Variants in ADGRL2 observed in about 807,000 individuals in gnomAD.
ADGRL2 encodes the protein adhesion G protein-coupled receptor L2, also known as calcium-independent alpha-latrotoxin receptor 2.
A neutral mutation model predicts 157.4 loss-of-function variants in ADGRL2; 44 were observed. The ratio of observed to expected loss-of-function variants is 0.28; its 90% confidence interval spans 0.22 to 0.36. ADGRL2 has a LOEUF of 0.36. ADGRL2 is among the 10% of genes least tolerant of loss of function. ADGRL2 has a pLI of 1.00. For missense variants in ADGRL2, 1,510 were observed against 1,768.9 expected (o/e 0.85, Z 2.63); for synonymous variants, 585 against 624.7 (o/e 0.94, Z 0.95).
rs1308143212 is a variant in ADGRL2 at position 81,748,447 on chromosome 1, A to G, written c.-142-13364A>G. On this transcript the variant is annotated intron_variant, in intron 1 of 20. Transcript: ENST00000359929. ...TCGCGCCACCGCACTCCAGCCTGGC[A>G]ATAGAGGGAGATTCCGTCTCAAAAA... 4.1e-5 allele frequency among the ~76,000 whole-genome samples: 6 copies of G among 147,498 alleles called. No homozygotes were observed. In the South Asian group the frequency reaches 1.1e-3, roughly 27 times the overall value.
chr1:81,750,850 G>A (rs1429100623), intron 1 of ADGRL2, among the ~76,000 whole-genome samples: 1 of 152,172 alleles, frequency 6.6e-6, no homozygotes, highest in African/African-American at 2.4e-5. Context: ...TGTAATATGT[G>A]GATGGATAGA....
intron 3 of ADGRL2, among the ~76,000 whole-genome samples, chr1:81,657,414 G>A (rs1264520248): frequency 6.6e-6 from 1 of 152,176 alleles, no homozygotes; most frequent in East Asian, 1.9e-4. Context: ...CCAGAACAGT[G>A]AGAAATGAAT....
chr1:81,763,565 G>C (rs1173894883), intron 2 of ADGRL2, among the ~76,000 whole-genome samples: 4 of 147,700 alleles, frequency 2.7e-5, no homozygotes, highest in Admixed American at 2.0e-4. Context: ...CTCCGGTCTC[G>C]GTGACAGAGC....
At chr1:81,705,818 A>G (rs1202496107) in intron 1 of ADGRL2, among the ~76,000 whole-genome samples, 1 of 152,084 alleles carries the variant, frequency 6.6e-6, no homozygotes, top group African/African-American at 2.4e-5. Flanking sequence ...AAGCAGGAGG[A>G]TCGCTTGAGC....
intron 16 of ADGRL2, 79 bp from the exon 17 acceptor site, chr1:81,971,773 G>C (rs761362808): frequency 1.2e-4 from 87 of 754,462 alleles, no homozygotes; most frequent in Non-Finnish European, 1.7e-4. Flanking sequence ...TGTCTGTTAG[G>C]TTTTTAAAAT....
chr1:81,545,083 A>G (rs937532359), intron 2 of ADGRL2, among the ~76,000 whole-genome samples: 4 of 152,170 alleles, frequency 2.6e-5, no homozygotes, highest in African/African-American at 9.7e-5. Flanking sequence ...CCATAAGAGA[A>G]CAAAGGGAGA....
chr1:81,913,267 G>A (rs1175531100), intron 3 of ADGRL2, among the ~76,000 whole-genome samples: 2 of 152,162 alleles, frequency 1.3e-5, no homozygotes, highest in African/African-American at 4.8e-5. Context: ...AGCATATGGA[G>A]TGGTGAGAAC....
At chr1:81,748,467 C>CAAAAAAAA (rs973818702) in intron 1 of ADGRL2, among the ~76,000 whole-genome samples, 105 of 41,858 alleles carry the variant, frequency 2.5e-3, no homozygotes, top group Non-Finnish European at 3.0e-3. Flanking sequence ...GATTCCGTCT[C>CAAAAAAAA]AAAAAAAAAA....
At chr1:81,657,309 G>T (rs1395680854) in intron 3 of ADGRL2, among the ~76,000 whole-genome samples, 6 of 152,154 alleles carry the variant, frequency 3.9e-5, no homozygotes, top group African/African-American at 1.4e-4. Context: ...CTTTGGCTTT[G>T]TGTGGACAAA....
chr1:81,748,485 A>G (rs929232451), intron 1 of ADGRL2, among the ~76,000 whole-genome samples: 3 of 150,784 alleles, frequency 2.0e-5, no homozygotes, highest in Admixed American at 6.6e-5. Flanking sequence ...AAAAAAAAAA[A>G]AAAAAAGAAA....
intron 2 of ADGRL2, among the ~76,000 whole-genome samples, chr1:81,478,185 G>A (rs563932824): frequency 6.6e-6 from 1 of 152,280 alleles, no homozygotes; most frequent in African/African-American, 2.4e-5. Flanking sequence ...CAAGGGGCAG[G>A]AGGAGTCATT....
At chr1:81,691,691 G>C (rs1268625216) in intron 3 of ADGRL2, among the ~76,000 whole-genome samples, 1 of 151,572 alleles carries the variant, frequency 6.6e-6, no homozygotes. Context: ...TAGAGATGGG[G>C]TTTCTCCATG....
intron 2 of ADGRL2, among the ~76,000 whole-genome samples, chr1:81,450,866 A>G (rs544446633): frequency 5.9e-5 from 9 of 152,122 alleles, no homozygotes; most frequent in African/African-American, 1.9e-4. Flanking sequence ...CTAATGACTT[A>G]GAGTCCCCCC....
chr1:81,646,906 C>G (rs2082325560), intron 3 of ADGRL2, among the ~76,000 whole-genome samples: 1 of 152,142 alleles, frequency 6.6e-6, no homozygotes, highest in Non-Finnish European at 1.5e-5. Context: ...AAATGTTATG[C>G]CTTACGTGAA....
chr1:81,485,425 CAT>C (rs2078479535), intron 2 of ADGRL2, among the ~76,000 whole-genome samples: 1 of 152,004 alleles, frequency 6.6e-6, no homozygotes, highest in African/African-American at 2.4e-5. Context: ...TTTTCTGTCA[CAT>C]ATTATAATTG....
chr1:81,967,228 G>A (rs1657333429), intron 13 of ADGRL2, among the ~76,000 whole-genome samples: 1 of 151,262 alleles, frequency 6.6e-6, no homozygotes, highest in Non-Finnish European at 1.5e-5. Context: ...AATTTGTGTG[G>A]TTATGGTACT....
chr1:81,347,629 A>G (rs1662576115), intron 1 of ADGRL2, among the ~76,000 whole-genome samples: 1 of 152,182 alleles, frequency 6.6e-6, no homozygotes, highest in African/African-American at 2.4e-5. Context: ...AAAAGTGAAG[A>G]AGGAATTGTT....
intron 3 of ADGRL2, among the ~76,000 whole-genome samples, chr1:81,634,869 G>A (rs956664536): frequency 6.6e-6 from 1 of 152,024 alleles, no homozygotes; most frequent in African/African-American, 2.4e-5. Context: ...ACTGTTGATG[G>A]CCTATCCTTA....
chr1:81,650,070 A>G (rs938561551), intron 3 of ADGRL2, among the ~76,000 whole-genome samples: 13 of 151,926 alleles, frequency 8.6e-5, no homozygotes, highest in African/African-American at 1.9e-4. Flanking sequence ...AAAAAAAAAA[A>G]AATCACATCC....
Sources: allele counts gnomAD v4.1 joint callset (sites outside exome capture counted in the v4.1 genomes callset), GRCh38; gene constraint gnomAD v4.1.1; transcripts MANE v1.5; gene names NCBI Gene and HGNC (gene_info 2026-07-23, HGNC 2026-07-21).